SYT14: variants seen among roughly 807,000 people sequenced by gnomAD.
SYT14 encodes the protein synaptotagmin-14.
In SYT14, 32 loss-of-function variants were observed where a neutral mutation model predicts 74.2. The observed-to-expected ratio is 0.43, with a 90% CI of 0.33 to 0.58. SYT14 has a LOEUF of 0.58. SYT14 is among the 20% of genes least tolerant of loss of function. The pLI is 0.05. For synonymous variants in SYT14, 298 were observed against 337.7 expected (o/e 0.88, Z 1.29); for missense variants, 791 against 981.8 (o/e 0.81, Z 2.60).
intron 2 of SYT14, among the ~76,000 whole-genome samples, chr1:210,002,015 C>T (rs569620874): frequency 6.6e-6 from 1 of 152,226 alleles, no homozygotes; most frequent in Admixed American, 6.5e-5. Context: ...ATTCTGGACA[C>T]TGTGATAAGA....
chr1:209,952,452 G>C (rs561000363), intron 1 of SYT14, among the ~76,000 whole-genome samples: 1 of 152,140 alleles, frequency 6.6e-6, no homozygotes, highest in Non-Finnish European at 1.5e-5. Context: ...GATTTCTGCT[G>C]TTGAGAAGCT....
At chr1:210,130,055 T>C (rs781769459) in intron 7 of SYT14, among the ~76,000 whole-genome samples, 2 of 152,166 alleles carry the variant, frequency 1.3e-5, no homozygotes, top group Non-Finnish European at 2.9e-5. Flanking sequence ...TTCTGAAATA[T>C]CTGTCGGGTC....
At chr1:209,978,232 G>T (rs2079406762) in intron 2 of SYT14, among the ~76,000 whole-genome samples, 1 of 152,194 alleles carries the variant, frequency 6.6e-6, no homozygotes, top group Non-Finnish European at 1.5e-5. Context: ...GTCCAGCTTT[G>T]TTCCGTTGCT....
chr1:210,026,642 A>ACACACACACT (rs1483338264), intron 5 of SYT14, among the ~76,000 whole-genome samples: 1 of 148,834 alleles, frequency 6.7e-6, no homozygotes, highest in Non-Finnish European at 1.5e-5. Context: ...ACACACACAC[A>ACACACACACT]CTCACCCCTA....
exon 10 of SYT14, chr1:210,162,864 T>A: frequency 4.4e-6 from 2 of 453,524 alleles, no homozygotes; most frequent in Non-Finnish European, 8.8e-6. Context: ...TTTGAGAATG[T>A]GTGTTACAGG....
At chr1:210,011,021 T>G (rs1405974500) in intron 2 of SYT14, among the ~76,000 whole-genome samples, 2 of 152,228 alleles carry the variant, frequency 1.3e-5, no homozygotes. Flanking sequence ...TTAAGTGACA[T>G]GAGCTACATT....
exon 10 of SYT14, chr1:210,164,147 G>A (rs1485834214): frequency 1.9e-5 from 8 of 430,284 alleles, no homozygotes; most frequent in Non-Finnish European, 3.3e-5. Flanking sequence ...TTATCTTTCA[G>A]AAGCTTTCTT....
At chr1:210,106,897 T>C (rs543810266) in intron 7 of SYT14, among the ~76,000 whole-genome samples, 58 of 152,182 alleles carry the variant, frequency 3.8e-4, no homozygotes, top group Admixed American at 8.5e-4. Flanking sequence ...GTCCAAAGTC[T>C]CATGTGAGAC....
chr1:210,002,370 G>T (rs141750392), intron 2 of SYT14, among the ~76,000 whole-genome samples: 1 of 151,842 alleles, frequency 6.6e-6, no homozygotes, highest in Non-Finnish European at 1.5e-5. Flanking sequence ...AGTTTTGCCT[G>T]TTTTGAACTT....
At chr1:210,084,901 A>G (rs117340110) in intron 5 of SYT14, among the ~76,000 whole-genome samples, 1 of 152,216 alleles carries the variant, frequency 6.6e-6, no homozygotes. Context: ...GCATTTGTCA[A>G]ACCTGCAATT....
chr1:210,038,057 A>G (rs1364211670), intron 5 of SYT14, among the ~76,000 whole-genome samples: 1 of 120,834 alleles, frequency 8.3e-6, no homozygotes, highest in African/African-American at 4.1e-5. Flanking sequence ...CCCCACTATT[A>G]TTGTATTGCT....
chr1:210,152,396 A>G (rs1000811169), intron 7 of SYT14, among the ~76,000 whole-genome samples: 3 of 152,206 alleles, frequency 2.0e-5, no homozygotes, highest in Non-Finnish European at 4.4e-5. Context: ...CTACATTGTT[A>G]TAGGGAATAC....
intron 4 of SYT14, among the ~76,000 whole-genome samples, chr1:210,019,035 C>G (rs1359899459): frequency 7.2e-6 from 1 of 139,440 alleles, no homozygotes; most frequent in Non-Finnish European, 1.5e-5. Context: ...ACTTGGGAGG[C>G]TGAGGCAGGA....
intron 7 of SYT14, among the ~76,000 whole-genome samples, chr1:210,120,079 A>G (rs1431235794): frequency 6.6e-6 from 1 of 151,944 alleles, no homozygotes; most frequent in Non-Finnish European, 1.5e-5. Context: ...GCTATTTACC[A>G]TGTCCTTTTT....
chr1:210,134,568 C>T (rs1477890606), intron 7 of SYT14, among the ~76,000 whole-genome samples: 2 of 151,746 alleles, frequency 1.3e-5, no homozygotes, highest in Non-Finnish European at 2.9e-5. Flanking sequence ...TAAAACACTT[C>T]AACTGTTTAC....
chr1:210,125,452 A>G (rs866927551), intron 7 of SYT14, among the ~76,000 whole-genome samples: 34 of 152,148 alleles, frequency 2.2e-4, no homozygotes, highest in Non-Finnish European at 1.6e-4. Flanking sequence ...CTTCATGTGC[A>G]CTAAGAGGTA....
chr1:209,962,733 A>AG (rs1160002816), intron 2 of SYT14, among the ~76,000 whole-genome samples: 1 of 152,132 alleles, frequency 6.6e-6, no homozygotes, highest in Admixed American at 6.6e-5. Context: ...CAAGAGATAA[A>AG]GGGAAAGATT....
At chr1:210,135,354 G>A (rs2102652367) in intron 7 of SYT14, among the ~76,000 whole-genome samples, 1 of 152,118 alleles carries the variant, frequency 6.6e-6, no homozygotes. Context: ...CATTGATCTT[G>A]TCCTGTGCAA....
At chr1:209,952,894 T>C (rs1292708612) in intron 2 of SYT14, 138 bp downstream of exon 2, 14 of 1,092,866 alleles carry the variant, frequency 1.3e-5, no homozygotes, top group Non-Finnish European at 1.9e-5. Context: ...TCTTACAGAC[T>C]TAAGCATTAG....
Sources: gnomAD v4.1 joint callset for allele counts (sites outside exome capture counted in the v4.1 genomes callset) on GRCh38, gnomAD v4.1.1 for gene constraint, MANE v1.5 for transcripts, NCBI Gene and HGNC (gene_info 2026-07-23, HGNC 2026-07-21) for gene names.